The following HSPBAP1 variants were observed in gnomAD, a reference collection of about 807,000 sequenced individuals.
The protein encoded by HSPBAP1 is HSPB1-associated protein 1.
A neutral mutation model predicts 45.2 loss-of-function variants in HSPBAP1; 27 were observed. The ratio of observed to expected loss-of-function variants is 0.60; its 90% CI spans 0.44 to 0.82. The LOEUF (loss-of-function observed/expected upper bound fraction) is 0.82, where lower values mean the gene tolerates loss of function less well. HSPBAP1 is among the 40% of genes least tolerant of loss of function. The pLI is 0.00. For missense variants in HSPBAP1, 510 were observed against 590.9 expected, an observed-to-expected ratio of 0.86 and a Z score of 1.42; for synonymous variants, 204 against 202.7, an observed-to-expected ratio of 1.01 and a Z score of -0.06.
At chr3:122,747,454 G>C (rs1263807551) in intron 6 of HSPBAP1, among the ~76,000 whole-genome samples, 2 of 151,548 alleles carry the variant, frequency 1.3e-5, no homozygotes, top group African/African-American at 4.8e-5. Flanking sequence ...GAGCGTCTCC[G>C]CCCGGCCAGC....
At position 122,759,355 on chromosome 3, in the gene HSPBAP1, C is replaced by T; in HGVS notation, c.438G>A (p.Val146=). 1 of 1,612,610 alleles carries T rather than the reference C, an allele frequency of 6.2e-7. No homozygotes were observed. Among genetic ancestry groups the T allele is most frequent in the Non-Finnish European group, 8.5e-7 (1 of 1,178,856 alleles). ...CAGGAAACCCGAAGTCAGACCATTT[C>T]ACATCCTGTTTTGAAATAAAGTTGC... ...FEDKTDLFQD[V]KWSDFGFPGR... Residue 146 remains valine (V), a synonymous_variant, in exon 4 of 8, where the codon GTG becomes GTA. Coordinates refer to ENST00000306103, the MANE Select transcript of HSPBAP1 (RefSeq NM_024610.6).
intron 5 of HSPBAP1, chr3:122,753,062 C>T (rs1230803025): frequency 3.8e-6 from 3 of 780,830 alleles, no homozygotes; most frequent in Non-Finnish European, 4.7e-6. Context: ...TCTCACAGCT[C>T]AAAATCTAGC....
chr3:122,740,198 G>C lies in HSPBAP1; in HGVS notation c.*147C>G, dbSNP rs1010684202. ...AAGAGGAATGTGCATGAAAGAAGGT[G>C]GCAACAGACTGACATGTAATTCGGT... On this transcript the variant is annotated 3_prime_UTR_variant, in exon 8 of 8. Coordinates refer to ENST00000306103, the MANE Select transcript of HSPBAP1 (RefSeq NM_024610.6). The C allele has an allele frequency of 2.1e-6, 1 of 478,146 alleles. No individual in the cohort carries two copies. Among genetic ancestry groups the C allele is most frequent in the Non-Finnish European group, 3.5e-6 (1 of 288,140 alleles). The allele number at this position is 478,146 out of a possible 1,614,324, so 29.6% of individuals were successfully genotyped here.
intron 1 of HSPBAP1, among the ~76,000 whole-genome samples, chr3:122,786,806 A>G (rs1477600858): frequency 6.6e-6 from 1 of 152,226 alleles, no homozygotes; most frequent in Non-Finnish European, 1.5e-5. Context: ...TATTTACAGA[A>G]TTTCAGGCCC....
chr3:122,765,376 T>C (rs928253087), intron 3 of HSPBAP1, among the ~76,000 whole-genome samples: 3 of 151,598 alleles, frequency 2.0e-5, no homozygotes, highest in Admixed American at 1.3e-4. Context: ...AGTTCAGGAG[T>C]TCGAGGCCAG....
At chr3:122,785,453 T>C (rs1935621670) in intron 1 of HSPBAP1, among the ~76,000 whole-genome samples, 1 of 152,220 alleles carries the variant, frequency 6.6e-6, no homozygotes, top group Admixed American at 6.5e-5. Context: ...CCAGGTGGTA[T>C]CTGATCACCT....
chr3:122,744,824 C>G (rs1338525070), intron 6 of HSPBAP1, among the ~76,000 whole-genome samples: 1 of 152,012 alleles, frequency 6.6e-6, no homozygotes, highest in Non-Finnish European at 1.5e-5. Flanking sequence ...TATGAACAAA[C>G]AGTATTAAAA....
chr3:122,777,701 G>A lies in HSPBAP1; in HGVS notation c.250+20C>T, dbSNP rs187600344. ...ATGCTCCTGAAGAGACATTATGATGGTGATTACCTATAGTCATACCTGTGC... is the reference window on the plus strand; with the variant it reads ...ATGCTCCTGAAGAGACATTATGATGATGATTACCTATAGTCATACCTGTGC... On this transcript the variant is annotated intron_variant, in intron 2 of 7. Coordinates refer to ENST00000306103, the MANE Select transcript of HSPBAP1 (RefSeq NM_024610.6). 4.1e-4 allele frequency: 643 copies of A among 1,573,174 alleles called. 1 individual carries two copies. Among genetic ancestry groups the A allele is most frequent in the African/African-American group, 2.8e-3 (204 of 74,094 alleles).
At chr3:122,757,642 T>A (rs1934401846) in intron 4 of HSPBAP1, among the ~76,000 whole-genome samples, 2 of 152,228 alleles carry the variant, frequency 1.3e-5, no homozygotes, top group Non-Finnish European at 2.9e-5. Context: ...CTGTACCTAC[T>A]GTAACACATG....
At chr3:122,753,001 T>C (rs1576241354) in intron 5 of HSPBAP1, 1 of 1,035,212 alleles carries the variant, frequency 9.7e-7, no homozygotes, top group Non-Finnish European at 1.2e-6. Context: ...AATAGTTGCG[T>C]GCATTCTGAG....
At chr3:122,747,526 G>A (rs569940234) in intron 6 of HSPBAP1, among the ~76,000 whole-genome samples, 1,818 of 149,924 alleles carry the variant, frequency 0.012, 50 homozygotes, top group African/African-American at 0.043. Context: ...GCCCCGTCTC[G>A]GAGGGAGGTG....
intron 4 of HSPBAP1, chr3:122,758,711 C>T (rs951350): frequency 0.9 from 406,763 of 453,548 alleles, 182,630 homozygotes; most frequent in East Asian, 0.98. Flanking sequence ...TTGGGCAACA[C>T]AGAAAGACTC....
intron 4 of HSPBAP1, chr3:122,758,649 C>G: frequency 2.3e-6 from 1 of 439,238 alleles, no homozygotes. Context: ...GGCATAGTGG[C>G]TCACACCAGA....
intron 6 of HSPBAP1, among the ~76,000 whole-genome samples, chr3:122,744,410 T>C (rs1933776424): frequency 6.6e-6 from 1 of 152,228 alleles, no homozygotes; most frequent in Admixed American, 6.5e-5. Flanking sequence ...ATGAGCTTTT[T>C]GGAGCTAAAT....
chr3:122,763,304 G>A (rs1036396718), intron 3 of HSPBAP1, among the ~76,000 whole-genome samples: 1 of 152,276 alleles, frequency 6.6e-6, no homozygotes, highest in African/African-American at 2.4e-5. Flanking sequence ...AGGTTAGGAA[G>A]GGACACTGGG....
chr3:122,789,447 A>G (rs1935754601), intron 1 of HSPBAP1, among the ~76,000 whole-genome samples: 1 of 152,244 alleles, frequency 6.6e-6, no homozygotes, highest in South Asian at 2.1e-4. Context: ...TTCTGAGAGT[A>G]ACATTTCACA....
At chr3:122,784,750 G>A (rs1484699975) in intron 1 of HSPBAP1, among the ~76,000 whole-genome samples, 1 of 152,204 alleles carries the variant, frequency 6.6e-6, no homozygotes, top group Admixed American at 6.5e-5. Flanking sequence ...AAAGACTGAG[G>A]TGTCTAGACT....
chr3:122,775,942 T>C (rs945945839), intron 2 of HSPBAP1, among the ~76,000 whole-genome samples: 2 of 152,228 alleles, frequency 1.3e-5, no homozygotes, highest in African/African-American at 4.8e-5. Flanking sequence ...ATAGAAAGAA[T>C]TGAAGTACTG....
chr3:122,756,494 C>T (rs957811088), intron 4 of HSPBAP1, among the ~76,000 whole-genome samples: 5 of 151,916 alleles, frequency 3.3e-5, no homozygotes, highest in Non-Finnish European at 7.4e-5. Context: ...AGAACAACCT[C>T]GGAGCCTGGG....
Sources: gnomAD v4.1 joint callset for allele counts (sites outside exome capture counted in the v4.1 genomes callset) on GRCh38, gnomAD v4.1.1 for gene constraint, MANE v1.5 for transcripts, NCBI Gene and HGNC (gene_info 2026-07-23, HGNC 2026-07-21) for gene names.